The following PIAS2 variants were observed in gnomAD, a reference collection of about 807,000 sequenced individuals.
The protein encoded by PIAS2 is protein inhibitor of activated STAT 2, also known as E3 SUMO-protein ligase PIAS2.
PIAS2 carries 19 observed loss-of-function variants against 69.7 expected under a neutral mutation model. The observed-to-expected ratio is 0.27, with a 90% confidence interval of 0.19 to 0.40. The LOEUF is 0.40. Among genes scored for constraint, PIAS2 ranks in the 10% least tolerant of loss-of-function variants. The pLI, the probability that PIAS2 is intolerant of heterozygous loss-of-function variation, is 1.00. For synonymous variants in PIAS2, 261 were observed against 263.2 expected (o/e 0.99, Z 0.08); for missense variants, 624 against 757.0 (o/e 0.82, Z 2.06).
intron 1 of PIAS2, 52 bp downstream of exon 1, chr18:46,917,270 A>G: frequency 5.0e-6 from 6 of 1,207,916 alleles, no homozygotes; most frequent in East Asian, 4.5e-5. Context: ...CGGTTTCCCC[A>G]CCTCCTCTCC....
chr18:46,917,523 T>C (rs1449072734), upstream of PIAS2: 4 of 1,154,840 alleles, frequency 3.5e-6, no homozygotes, highest in Non-Finnish European at 3.2e-6. Context: ...GCGCGGGAGC[T>C]CCGCCTCCGA....
intron 5 of PIAS2, chr18:46,852,671 G>C (rs1265381309): frequency 6.6e-6 from 1 of 152,146 alleles, no homozygotes; most frequent in African/African-American, 2.4e-5. Flanking sequence ...CAAACTCCAA[G>C]CCATCCTCAG....
Position 46,861,240 on chromosome 18 carries a change from A to G in PIAS2, c.584+2924T>C, listed in dbSNP as rs144249270. On this transcript the variant is annotated intron_variant, in intron 3 of 13. Transcript: ENST00000585916. ...GGCGACGGAGTGAGACTTTGTCTCA[A>G]AAAATAAACAAACAAAATGAATGAA... Among the ~76,000 whole-genome samples the G allele has an allele frequency of 6.2e-3, 943 of 152,354 alleles. 7 individuals are homozygous for G. The highest frequency in any genetic ancestry group is 0.021 in the African/African-American group (886 of 41,582).
chr18:46,895,686 T>A (rs1217259004), intron 1 of PIAS2, among the ~76,000 whole-genome samples: 1 of 151,936 alleles, frequency 6.6e-6, no homozygotes, highest in Non-Finnish European at 1.5e-5. Context: ...AGAATAATAA[T>A]CATCTACATC....
intron 1 of PIAS2, chr18:46,906,020 A>G (rs1303282886): frequency 6.6e-6 from 1 of 152,196 alleles, no homozygotes; most frequent in Non-Finnish European, 1.5e-5. Flanking sequence ...TACTTGCAAC[A>G]CAAAGTTTGT....
chr18:46,855,887 CA>C (rs1382718895), intron 3 of PIAS2, among the ~76,000 whole-genome samples: 1 of 150,554 alleles, frequency 6.6e-6, no homozygotes, highest in Non-Finnish European at 1.5e-5. Context: ...CAATAGACAT[CA>C]AACTTGGTAA....
chr18:46,875,536 G>A (rs181367008), intron 2 of PIAS2, among the ~76,000 whole-genome samples: 5 of 152,190 alleles, frequency 3.3e-5, no homozygotes, highest in African/African-American at 4.8e-5. Context: ...TCTCTGAGTC[G>A]GTTGAAAACA....
At chr18:46,897,311 C>T (rs2055045733) in intron 1 of PIAS2, among the ~76,000 whole-genome samples, 1 of 152,114 alleles carries the variant, frequency 6.6e-6, no homozygotes, top group African/African-American at 2.4e-5. Flanking sequence ...GCAGGAAATG[C>T]ACAAGATAAG....
intron 11 of PIAS2, 52 bp downstream of exon 11, chr18:46,827,907 G>A: frequency 6.8e-7 from 1 of 1,461,426 alleles, no homozygotes; most frequent in Non-Finnish European, 9.5e-7. Context: ...ATCTATCCAA[G>A]AGCAATTAGT....
chr18:46,813,815 A>G (rs2041228410), intron 13 of PIAS2, among the ~76,000 whole-genome samples: 2 of 152,216 alleles, frequency 1.3e-5, no homozygotes, highest in African/African-American at 4.8e-5. Context: ...GTTCATCAAT[A>G]AAATGAATGC....
intron 11 of PIAS2, among the ~76,000 whole-genome samples, chr18:46,823,423 C>G (rs968505415): frequency 6.6e-6 from 1 of 152,090 alleles, no homozygotes; most frequent in East Asian, 1.9e-4. Context: ...AATAGACTTA[C>G]ACGTAACAAC....
At chr18:46,880,964 T>G (rs2052143971) in intron 2 of PIAS2, among the ~76,000 whole-genome samples, 1 of 152,220 alleles carries the variant, frequency 6.6e-6, no homozygotes, top group South Asian at 2.1e-4. Flanking sequence ...TTTAATCAGA[T>G]TTAAATAGAA....
At chr18:46,849,354 T>C (rs1421727387) in intron 5 of PIAS2, among the ~76,000 whole-genome samples, 1 of 152,168 alleles carries the variant, frequency 6.6e-6, no homozygotes, top group Non-Finnish European at 1.5e-5. Flanking sequence ...TACCCAACCA[T>C]CAATTTCCTG....
chr18:46,817,397 ATTTAT>A (rs2041675035), intron 12 of PIAS2: 1 of 963,228 alleles, frequency 1.0e-6, no homozygotes, highest in African/African-American at 1.8e-5. Context: ...TATCAAGCCT[ATTTAT>A]TTTAATTGAA....
intron 1 of PIAS2, among the ~76,000 whole-genome samples, chr18:46,897,370 C>A (rs965386694): frequency 6.6e-6 from 1 of 152,088 alleles, no homozygotes; most frequent in African/African-American, 2.4e-5. Flanking sequence ...TCAAAGATCA[C>A]GGGGCCTTGT....
intron 1 of PIAS2, among the ~76,000 whole-genome samples, chr18:46,893,124 TA>T (rs2054319132): frequency 6.6e-6 from 1 of 152,186 alleles, no homozygotes; most frequent in Admixed American, 6.5e-5. Flanking sequence ...ACTTTTGGCC[TA>T]TCTCATAACA....
intron 13 of PIAS2, among the ~76,000 whole-genome samples, chr18:46,814,449 C>T (rs55781503): frequency 0.064 from 9,680 of 152,102 alleles, 339 homozygotes; most frequent in Non-Finnish European, 0.081. Flanking sequence ...TAGGTACCTT[C>T]GTTATATATA....
chr18:46,918,911 C>T (rs962903101), upstream of PIAS2, among the ~76,000 whole-genome samples: 13 of 152,118 alleles, frequency 8.5e-5, no homozygotes, highest in Admixed American at 1.3e-4. Context: ...TCCTAGGACC[C>T]TGAACTTTTT....
intron 1 of PIAS2, among the ~76,000 whole-genome samples, chr18:46,908,302 T>C (rs758786595): frequency 6.6e-6 from 1 of 152,180 alleles, no homozygotes; most frequent in African/African-American, 2.4e-5. Flanking sequence ...AGCAGCAGCA[T>C]CATCTTGTTT....
Sources: gnomAD v4.1 joint callset for allele counts (sites outside exome capture counted in the v4.1 genomes callset) on GRCh38, gnomAD v4.1.1 for gene constraint, MANE v1.5 for transcripts, NCBI Gene and HGNC (gene_info 2026-07-23, HGNC 2026-07-21) for gene names.